S100A1: variants seen among roughly 807,000 people sequenced by gnomAD.
S100A1 encodes the protein S100 calcium binding protein A1, also known as protein S100-A1.
In S100A1, 3 loss-of-function variants were observed where a neutral mutation model predicts 7.6. That is an observed-to-expected ratio of 0.40 (90% CI 0.18 to 1.02). The LOEUF is 1.02. Among genes scored for constraint, S100A1 ranks in the 50% least tolerant of loss-of-function variants. The pLI, the probability that S100A1 is intolerant of heterozygous loss-of-function variation, is 0.35. For synonymous variants in S100A1, 49 were observed against 49.0 expected, an observed-to-expected ratio of 1.00 and a Z score of 0.00; for missense variants, 126 against 115.0, an observed-to-expected ratio of 1.10 and a Z score of -0.44.
At chr1:153,631,523 T>G (rs777614708) in intron 2 of S100A1, 175 bp from the exon 3 acceptor site, 26 of 1,613,522 alleles carry the variant, frequency 1.6e-5, no homozygotes, top group Non-Finnish European at 2.0e-5. Context: ...TGAAAGAGCT[T>G]ATGCTGTAGG....
rs1047484757 is a variant in S100A1 at position 153,631,800 on chromosome 1, C to CT, written c.245dup (p.Thr83HisfsTer5). 3.1e-6 allele frequency: 5 copies of CT among 1,614,068 alleles called. No individual in the cohort carries two copies. Among genetic ancestry groups the CT allele is most frequent in the Non-Finnish European group, 4.2e-6 (5 of 1,180,046 alleles). On this transcript the variant is annotated frameshift_variant, in exon 3 of 3. Coordinates refer to ENST00000292169, the MANE Select transcript of S100A1 (RefSeq NM_006271.2). LOFTEE classifies it high-confidence loss of function. ...GGAGTATGTGGTGCTTGTGGCTGCT[C>CT]TCACAGTGGCCTGTAACAATTTCTT...
At chr1:153,630,391 C>G (rs1210957762) in intron 1 of S100A1, 118 bp from the exon 2 acceptor site, 45 of 1,277,568 alleles carry the variant, frequency 3.5e-5, no homozygotes, top group Non-Finnish European at 4.7e-5. Flanking sequence ...TGCAGTAGGG[C>G]TCTAATCCCA....
intron 1 of S100A1, chr1:153,628,809 C>T (rs753496418): frequency 2.6e-6 from 1 of 385,224 alleles, no homozygotes; most frequent in Non-Finnish European, 4.7e-6. Context: ...GCCAAGGCCC[C>T]CTCTGTCTCC....
chr1:153,631,677 C>G, intron 2 of S100A1, 21 bp from the exon 3 acceptor site: 1 of 1,614,114 alleles, frequency 6.2e-7, no homozygotes, highest in Middle Eastern at 1.6e-4. Context: ...ACACCTCCCT[C>G]TTCCTCTCCT....
intron 1 of S100A1, chr1:153,630,285 C>T (rs1435434317): frequency 1.8e-6 from 1 of 559,438 alleles, no homozygotes; most frequent in Non-Finnish European, 3.1e-6. Context: ...CTGATTCCCT[C>T]TGGCTGGGGT....
At chr1:153,631,359 T>G in intron 2 of S100A1, 1 of 1,173,924 alleles carries the variant, frequency 8.5e-7, no homozygotes, top group Non-Finnish European at 1.2e-6. Flanking sequence ...TACCAATTTG[T>G]TTCTTCTCTA....
chr1:153,628,513 A>T lies in S100A1; in HGVS notation c.-14+17A>T. ...AGGCCAACCGTGAGTACCCTGCCCC[A>T]CTGGGCTAGTCCCTGGCCTGCCAGC... is the stretch of plus-strand genomic sequence containing the variant. On this transcript the variant is annotated intron_variant, in intron 1 of 2. Transcript: ENST00000292169. The T allele has an allele frequency of 1.9e-6, 3 of 1,550,464 alleles. No individual in the cohort carries two copies. The highest frequency in any genetic ancestry group is 2.6e-6 in the Non-Finnish European group (3 of 1,146,822).
intron 1 of S100A1, chr1:153,630,253 GCT>G (rs1172352341): frequency 1.2e-5 from 6 of 502,590 alleles, no homozygotes; most frequent in South Asian, 3.9e-5. Context: ...AGCTCCAACT[GCT>G]CTCTCTCCAT....
intron 2 of S100A1, 99 bp from the exon 3 acceptor site, chr1:153,631,599 C>A: frequency 6.2e-7 from 1 of 1,613,788 alleles, no homozygotes; most frequent in African/African-American, 1.3e-5. Context: ...CAGTTCCTCT[C>A]GCTCATCTTT....
At chr1:153,630,448 A>G in intron 1 of S100A1, 61 bp from the exon 2 acceptor site, 1 of 1,585,074 alleles carries the variant, frequency 6.3e-7, no homozygotes. Context: ...GGTTCCCCTC[A>G]CCTAGACCCC....
intron 1 of S100A1, chr1:153,629,587 T>C (rs1445782920): frequency 6.6e-6 from 1 of 152,492 alleles, no homozygotes; most frequent in East Asian, 1.9e-4. Flanking sequence ...CTTCTCCTAC[T>C]CTCTCCCAGC....
At chr1:153,630,118 A>G (rs1259192964) in intron 1 of S100A1, 26 of 290,150 alleles carry the variant, frequency 9.0e-5, no homozygotes, top group Non-Finnish European at 7.7e-5. Flanking sequence ...GGCAAGGTCC[A>G]GGGTAAAAAT....
intron 2 of S100A1, 115 bp downstream of exon 2, chr1:153,630,777 C>A: frequency 7.3e-7 from 1 of 1,362,222 alleles, no homozygotes; most frequent in Non-Finnish European, 9.9e-7. Context: ...TCTTTCTTTC[C>A]TTTCCCAGGC....
In S100A1 at chr1:153,630,536, G is replaced by T. The variant is rs535234507; in HGVS notation, c.15G>T (p.Leu5=). 6.2e-7 allele frequency: 1 copy of T among 1,614,104 alleles called. No homozygotes were observed. Among genetic ancestry groups the T allele is most frequent in the African/African-American group, 1.3e-5 (1 of 74,954 alleles). Residue 5 remains leucine, a synonymous_variant, in exon 2 of 3, where the codon CTG becomes CTT. Coordinates refer to ENST00000292169, the MANE Select transcript of S100A1 (RefSeq NM_006271.2). MGSE[L]ETAMETLINV... ...GCACTGCTGCAATGGGCTCTGAGCTGGAGACGGCGATGGAGACCCTCATCA... is the reference window on the plus strand; with the variant it reads ...GCACTGCTGCAATGGGCTCTGAGCTTGAGACGGCGATGGAGACCCTCATCA...
rs1230465454 is a variant in S100A1, at chr1:153,630,369, G to A, written c.-13-140G>A. On this transcript the variant is annotated intron_variant, in intron 1 of 2. Coordinates refer to ENST00000292169, the MANE Select transcript of S100A1 (RefSeq NM_006271.2). ...TTTCCCTCACATTGTAAAATCTCAG[G>A]GAAAGATCAATTGCAGTAGGGCTCT... 26 of 1,073,902 alleles carry A rather than the reference G, an allele frequency of 2.4e-5. No homozygotes were observed. The South Asian group carries it at 3.8e-4, about 16-fold the overall frequency. The allele number at this position is 1,073,902 out of a possible 1,614,324, so 66.5% of individuals were successfully genotyped here.
intron 1 of S100A1, chr1:153,629,170 A>T (rs1667860243): frequency 6.6e-6 from 1 of 151,984 alleles, no homozygotes; most frequent in Non-Finnish European, 1.5e-5. Context: ...TCCTCTCAGA[A>T]CTGCCACCAC....
intron 1 of S100A1, chr1:153,630,273 C>A (rs1374859023): frequency 5.5e-6 from 3 of 546,758 alleles, no homozygotes; most frequent in Non-Finnish European, 9.5e-6. Context: ...CATGCCCCAA[C>A]CCTGATTCCC....
intron 1 of S100A1, 163 bp from the exon 2 acceptor site, chr1:153,630,346 T>C (rs1305945484): frequency 1.0e-5 from 9 of 863,160 alleles, no homozygotes; most frequent in Non-Finnish European, 1.6e-5. Flanking sequence ...TCTTGGGGTT[T>C]CCCTCACATT....
intron 2 of S100A1, 33 bp from the exon 3 acceptor site, chr1:153,631,665 A>G: frequency 6.2e-7 from 1 of 1,613,700 alleles, no homozygotes; most frequent in South Asian, 1.1e-5. Context: ...ACCCTTCCCT[A>G]TACACCTCCC....
Sources: allele counts gnomAD v4.1 joint callset, GRCh38; gene constraint gnomAD v4.1.1; transcripts MANE v1.5; gene names NCBI Gene and HGNC (gene_info 2026-07-23, HGNC 2026-07-21).